Variants in CABLES1 observed in about 807,000 individuals in gnomAD.
CABLES1 encodes the protein CDK5 and ABL1 enzyme substrate 1.
CABLES1 carries 36 observed loss-of-function variants against 57.8 expected under a neutral mutation model. The observed-to-expected ratio is 0.62, with a 90% CI of 0.48 to 0.82. The LOEUF (loss-of-function observed/expected upper bound fraction) is 0.82. CABLES1 is among the 40% of genes least tolerant of loss of function. The pLI is 0.00. For missense variants in CABLES1, 767 were observed against 836.6 expected (o/e 0.92, Z 1.03); for synonymous variants, 374 against 363.0 (o/e 1.03, Z -0.35).
chr18:23,193,194 C>CTTTTT (rs763239686), intron 2 of CABLES1, among the ~76,000 whole-genome samples: 7,052 of 142,222 alleles, frequency 0.05, 220 homozygotes, highest in Middle Eastern at 0.078. Context: ...AAGAATCTTT[C>CTTTTT]TTTTTTTTTT....
At chr18:23,144,933 TC>T (rs1176274900) in intron 1 of CABLES1, among the ~76,000 whole-genome samples, 3 of 149,498 alleles carry the variant, frequency 2.0e-5, no homozygotes, top group Non-Finnish European at 2.9e-5. Context: ...TTTTTTTTTT[TC>T]TTTCTTTTTT....
intron 5 of CABLES1, 135 bp from the exon 6 acceptor site, chr18:23,235,760 G>C: frequency 1.1e-6 from 1 of 915,782 alleles, no homozygotes; most frequent in Non-Finnish European, 1.7e-6. Context: ...TCATTTTTCA[G>C]ATCTCATTGA....
chr18:23,251,732 G>A (rs2048042595), intron 7 of CABLES1, among the ~76,000 whole-genome samples: 1 of 152,166 alleles, frequency 6.6e-6, no homozygotes, highest in South Asian at 2.1e-4. Flanking sequence ...ACATATGGTG[G>A]CATGTTGTTC....
chr18:23,244,879 G>A (rs2047835530), intron 7 of CABLES1, among the ~76,000 whole-genome samples: 1 of 152,214 alleles, frequency 6.6e-6, no homozygotes, highest in Non-Finnish European at 1.5e-5. Flanking sequence ...GCTCACATCT[G>A]CTTAGAACTG....
intron 1 of CABLES1, among the ~76,000 whole-genome samples, chr18:23,165,459 C>T (rs913698466): frequency 6.6e-6 from 1 of 151,996 alleles, no homozygotes; most frequent in African/African-American, 2.4e-5. Context: ...GTTCTGCATC[C>T]ACTCTCCGGA....
At chr18:23,196,037 CAA>C (rs1260950247) in intron 3 of CABLES1, among the ~76,000 whole-genome samples, 1 of 152,132 alleles carries the variant, frequency 6.6e-6, no homozygotes, top group Non-Finnish European at 1.5e-5. Flanking sequence ...TGGCACGGCA[CAA>C]AGTCAGACAA....
At chr18:23,160,420 C>T (rs1598804503) in intron 1 of CABLES1, among the ~76,000 whole-genome samples, 1 of 152,214 alleles carries the variant, frequency 6.6e-6, no homozygotes, top group Non-Finnish European at 1.5e-5. Flanking sequence ...TTGTCTTCTG[C>T]AAGGCTCTGC....
At chr18:23,236,277 G>T (rs751440978) in intron 6 of CABLES1, among the ~76,000 whole-genome samples, 2 of 152,184 alleles carry the variant, frequency 1.3e-5, no homozygotes, top group Non-Finnish European at 2.9e-5. Context: ...TCCACGTGGA[G>T]AGACGCCAAG....
intron 3 of CABLES1, among the ~76,000 whole-genome samples, chr18:23,199,410 G>A (rs2047307480): frequency 6.6e-6 from 1 of 152,150 alleles, no homozygotes; most frequent in Non-Finnish European, 1.5e-5. Context: ...ATACACCAAT[G>A]CAGTGTTATT....
intron 1 of CABLES1, among the ~76,000 whole-genome samples, chr18:23,166,878 T>C (rs1014819313): frequency 6.6e-6 from 1 of 152,158 alleles, no homozygotes; most frequent in African/African-American, 2.4e-5. Context: ...ATTCCCAGGG[T>C]GGCTCCTCAT....
At chr18:23,233,509 C>T (rs1170964961) in intron 4 of CABLES1, among the ~76,000 whole-genome samples, 2 of 152,114 alleles carry the variant, frequency 1.3e-5, no homozygotes, top group African/African-American at 4.8e-5. Context: ...CTTAAAGAAC[C>T]AAAGAAATGA....
At chr18:23,207,893 C>T (rs1045162844) in intron 3 of CABLES1, among the ~76,000 whole-genome samples, 3 of 152,100 alleles carry the variant, frequency 2.0e-5, no homozygotes, top group African/African-American at 4.8e-5. Flanking sequence ...AAGACTAATG[C>T]CTCCACCAGT....
intron 1 of CABLES1, among the ~76,000 whole-genome samples, chr18:23,170,855 A>G (rs1386305320): frequency 6.6e-6 from 1 of 152,118 alleles, no homozygotes; most frequent in African/African-American, 2.4e-5. Flanking sequence ...GGAGTGCAGT[A>G]GTGCAATCTT....
chr18:23,228,381 A>G (rs978234237), intron 4 of CABLES1, among the ~76,000 whole-genome samples: 9 of 152,184 alleles, frequency 5.9e-5, no homozygotes, highest in Non-Finnish European at 1.3e-4. Context: ...CAAGATAGCT[A>G]GATTAGCCAC....
chr18:23,184,569 C>T (rs936460307), intron 1 of CABLES1, among the ~76,000 whole-genome samples: 4 of 151,814 alleles, frequency 2.6e-5, no homozygotes, highest in Middle Eastern at 3.2e-3. Context: ...TGGGTGTGGT[C>T]GCGCGCACCT....
intron 1 of CABLES1, among the ~76,000 whole-genome samples, chr18:23,141,883 G>A (rs1372995838): frequency 6.6e-6 from 1 of 152,212 alleles, no homozygotes; most frequent in Non-Finnish European, 1.5e-5. Context: ...GAAAGATAGC[G>A]GTGAGGTGGC....
At chr18:23,210,413 T>C (rs1421502909) in intron 3 of CABLES1, among the ~76,000 whole-genome samples, 1 of 152,176 alleles carries the variant, frequency 6.6e-6, no homozygotes, top group African/African-American at 2.4e-5. Flanking sequence ...ATGTCTGACA[T>C]TGGAAGTGGA....
chr18:23,197,745 A>G (rs1260539577), intron 3 of CABLES1: 1 of 152,262 alleles, frequency 6.6e-6, no homozygotes, highest in African/African-American at 2.4e-5. Flanking sequence ...CAGAGAAGGC[A>G]GACCAGTCCT....
intron 3 of CABLES1, among the ~76,000 whole-genome samples, chr18:23,200,326 C>A (rs756393417): frequency 8.0e-5 from 12 of 150,578 alleles, no homozygotes; most frequent in African/African-American, 1.7e-4. Flanking sequence ...GTGGTGTGAT[C>A]TCGGCTCACT....
Sources: allele counts gnomAD v4.1 joint callset (sites outside exome capture counted in the v4.1 genomes callset), GRCh38; gene constraint gnomAD v4.1.1; transcripts MANE v1.5; gene names NCBI Gene and HGNC (gene_info 2026-07-23, HGNC 2026-07-21).